Variants in SUSD1 observed in about 807,000 individuals in gnomAD.
SUSD1 encodes the protein sushi domain containing 1.
A neutral mutation model predicts 86.9 loss-of-function variants in SUSD1; 65 were observed. The observed-to-expected ratio is 0.75, with a 90% CI of 0.61 to 0.92. SUSD1 has a LOEUF of 0.92. Among genes scored for constraint, SUSD1 ranks in the 40% least tolerant of loss-of-function variants. The pLI is 0.00. For missense variants in SUSD1, 850 were observed against 929.7 expected (o/e 0.91, Z 1.11); for synonymous variants, 346 against 350.0 (o/e 0.99, Z 0.13).
chr9:112,064,701 C>T (rs895259800), intron 12 of SUSD1, among the ~76,000 whole-genome samples: 1 of 152,060 alleles, frequency 6.6e-6, no homozygotes, highest in Non-Finnish European at 1.5e-5. Flanking sequence ...CATGGTGAGA[C>T]TCTGTCTCTA....
chr9:112,128,925 C>T (rs1373721826), intron 5 of SUSD1, among the ~76,000 whole-genome samples: 1 of 152,078 alleles, frequency 6.6e-6, no homozygotes, highest in East Asian at 1.9e-4. Flanking sequence ...CACACAGGGC[C>T]TTATAAATCT....
chr9:112,164,743 G>C (rs1833706119), intron 1 of SUSD1, among the ~76,000 whole-genome samples: 2 of 152,278 alleles, frequency 1.3e-5, no homozygotes, highest in South Asian at 4.1e-4. Context: ...AAGAGATTGA[G>C]ATCATCCTGG....
intron 12 of SUSD1, among the ~76,000 whole-genome samples, chr9:112,069,015 C>G (rs886595565): frequency 6.6e-6 from 1 of 152,122 alleles, no homozygotes; most frequent in Non-Finnish European, 1.5e-5. Context: ...AATCCTCCAG[C>G]AGGCAGTTAG....
intron 14 of SUSD1, among the ~76,000 whole-genome samples, chr9:112,054,107 T>C (rs960188500): frequency 6.6e-6 from 1 of 152,164 alleles, no homozygotes; most frequent in South Asian, 2.1e-4. Context: ...AATGGGGCAT[T>C]GGAAGACTCA....
rs535006159 is a variant in SUSD1, at chr9:112,102,215, G to A, written c.1242C>T (p.Asn414=). The A allele has an allele frequency of 3.5e-5, 56 of 1,602,480 alleles. No homozygotes were observed. Among genetic ancestry groups the A allele is most frequent in the African/African-American group, 5.4e-5 (4 of 74,210 alleles). The part of the protein sequence containing the change: ...SIFNETCLKL[N]RRSRKVGSEH... ...CTGATCCAACTTTCCTAGAACGCCT[G>A]TTCAATTTCAAACAAGTTTCATTAA... Residue 414 remains asparagine, a synonymous_variant, in exon 9 of 17, where the codon AAC becomes AAT. Transcript: ENST00000374270.
Position 112,109,959 on chromosome 9 carries a change from A to G in SUSD1, c.1171+1695T>C, listed in dbSNP as rs138029201. On this transcript the variant is annotated intron_variant, in intron 8 of 16. Coordinates refer to ENST00000374270, the MANE Select transcript of SUSD1 (RefSeq NM_022486.5). The stretch of plus-strand genomic sequence containing the variant: ...TTAAGATTGGCAGACTTTTTCAACT[A>G]TTTCTGCTGAACTATTCCCAGCTAC... 5.3e-4 allele frequency among the ~76,000 whole-genome samples: 81 copies of G among 152,290 alleles called. 2 individuals carry two copies. The East Asian group carries it at 0.015, about 29-fold the overall frequency.
chr9:112,063,562 C>T (rs913686410), intron 12 of SUSD1, among the ~76,000 whole-genome samples: 2 of 152,152 alleles, frequency 1.3e-5, no homozygotes, highest in Admixed American at 1.3e-4. Context: ...GTAGGGAAGA[C>T]CACCACATCA....
intron 12 of SUSD1, among the ~76,000 whole-genome samples, chr9:112,074,328 A>T (rs1829417111): frequency 6.6e-6 from 1 of 152,184 alleles, no homozygotes; most frequent in Non-Finnish European, 1.5e-5. Flanking sequence ...CCTAAAGGGG[A>T]TGCGTGCCGT....
chr9:112,139,126 T>A (rs944708661), intron 5 of SUSD1, among the ~76,000 whole-genome samples: 19 of 152,194 alleles, frequency 1.2e-4, no homozygotes, highest in Admixed American at 9.8e-4. Context: ...TAGTGCCACA[T>A]CCAGATGGTT....
At chr9:112,052,353 C>T in intron 15 of SUSD1, 46 bp downstream of exon 15, 1 of 1,613,540 alleles carries the variant, frequency 6.2e-7, no homozygotes, top group Non-Finnish European at 8.5e-7. Flanking sequence ...CTTGATGCTG[C>T]AGAAAAGAAA....
rs1827730164 is a variant in SUSD1, at chr9:112,041,451, C to G, written c.*41G>C. 2.6e-6 allele frequency: 2 copies of G among 780,862 alleles called. No individual in the cohort carries two copies. Among genetic ancestry groups the G allele is most frequent in the African/African-American group, 1.7e-5 (1 of 59,140 alleles). 48.4% of individuals were successfully genotyped at this position (780,862 alleles called of 1,614,324 possible). A position where few individuals can be genotyped will look rare whatever the true frequency, so the allele number is the denominator to read the frequency against. On this transcript the variant is annotated 3_prime_UTR_variant, in exon 17 of 17. Transcript: ENST00000374270. ...CCTGAGAAGCTGCCAGAACACCTGC[C>G]CAGCAGCAGTGCATCCTCCCCACTC...
intron 10 of SUSD1, among the ~76,000 whole-genome samples, chr9:112,086,560 AAG>A (rs71382404): frequency 0.022 from 3,015 of 135,986 alleles, 96 homozygotes; most frequent in East Asian, 0.1. Context: ...GAAAGAAAGA[AAG>A]AGAGAGAGAG....
rs774430325 is a variant in SUSD1 at position 112,112,840 on chromosome 9, T to C, written c.915A>G (p.Ser305=). 1.9e-6 allele frequency: 3 copies of C among 1,612,654 alleles called. No homozygotes were observed. Among genetic ancestry groups the C allele is most frequent in the East Asian group, 4.5e-5 (2 of 44,882 alleles). ...TEILTKINDV[S]LFNDTCVRWQ... ...ATCTCACACAGGTATCATTAAACAGTGATACATCATTAATCTTTGTCAGAA... is the reference window on the plus strand; with the variant it reads ...ATCTCACACAGGTATCATTAAACAGCGATACATCATTAATCTTTGTCAGAA... Residue 305 remains serine (S), a synonymous_variant, in exon 7 of 17, where the codon TCA becomes TCG. Transcript: ENST00000374270.
At chr9:112,062,417 G>A (rs561680995) in intron 13 of SUSD1, among the ~76,000 whole-genome samples, 3 of 152,280 alleles carry the variant, frequency 2.0e-5, no homozygotes, top group African/African-American at 4.8e-5. Flanking sequence ...CTATGTGGCC[G>A]GGTGTGGTGG....
intron 15 of SUSD1, among the ~76,000 whole-genome samples, chr9:112,051,024 C>G (rs1194336861): frequency 6.6e-6 from 1 of 152,172 alleles, no homozygotes; most frequent in Non-Finnish European, 1.5e-5. Flanking sequence ...CCCAAGTGAC[C>G]CATTCTGCTG....
intron 12 of SUSD1, among the ~76,000 whole-genome samples, chr9:112,071,595 G>T (rs1045247151): frequency 3.3e-5 from 5 of 152,234 alleles, no homozygotes; most frequent in African/African-American, 9.6e-5. Context: ...AAGTACAAAT[G>T]TGTTAAAATG....
intron 10 of SUSD1, among the ~76,000 whole-genome samples, chr9:112,092,089 G>A (rs2131591488): frequency 6.6e-6 from 1 of 152,318 alleles, no homozygotes; most frequent in South Asian, 2.1e-4. Context: ...GTACTTATAA[G>A]AGAAAACAGT....
Position 112,105,428 on chromosome 9 carries a change from C to A in SUSD1, c.1172-3143G>T, listed in dbSNP as rs992204281. 7.2e-5 allele frequency among the ~76,000 whole-genome samples: 11 copies of A among 152,130 alleles called. No homozygotes were observed. In the South Asian group the frequency reaches 2.1e-3, roughly 29 times the overall value. ...AAACCAAATTCTAAAGACCAAAAAA[C>A]TCACAGGGGACCGGGCATAGTGGCT... On this transcript the variant is annotated intron_variant, in intron 8 of 16. Coordinates refer to ENST00000374270, the MANE Select transcript of SUSD1 (RefSeq NM_022486.5).
At chr9:112,147,896 T>C (rs953712474) in intron 3 of SUSD1, among the ~76,000 whole-genome samples, 13 of 152,184 alleles carry the variant, frequency 8.5e-5, no homozygotes, top group Admixed American at 7.9e-4. Flanking sequence ...TACTGTAACA[T>C]TGTACTTCTG....
Sources: gnomAD v4.1 joint callset for allele counts (sites outside exome capture counted in the v4.1 genomes callset) on GRCh38, gnomAD v4.1.1 for gene constraint, MANE v1.5 for transcripts, NCBI Gene and HGNC (gene_info 2026-07-23, HGNC 2026-07-21) for gene names.